Variants in CHAF1B observed in about 807,000 individuals in gnomAD.
CHAF1B encodes the protein chromatin assembly factor 1 subunit B.
Under a neutral mutation model 60.7 loss-of-function variants are expected in CHAF1B, and 10 were observed. The ratio of observed to expected loss-of-function variants is 0.16; its 90% CI spans 0.10 to 0.28. The LOEUF (loss-of-function observed/expected upper bound fraction) is 0.28, where lower values mean the gene tolerates loss of function less well. Among genes scored for constraint, CHAF1B ranks in the 10% least tolerant of loss-of-function variants. CHAF1B has a pLI of 1.00. For missense variants in CHAF1B, 558 were observed against 708.4 expected, an observed-to-expected ratio of 0.79 and a Z score of 2.41; for synonymous variants, 261 against 266.1, an observed-to-expected ratio of 0.98 and a Z score of 0.19.
At chr21:36,415,229 A>G in intron 12 of CHAF1B, 66 bp from the exon 13 acceptor site, 1 of 972,088 alleles carries the variant, frequency 1.0e-6, no homozygotes, top group South Asian at 1.4e-5. Context: ...GGTTGGTATC[A>G]TACATAAACA....
intron 4 of CHAF1B, among the ~76,000 whole-genome samples, chr21:36,393,277 A>G (rs2086107880): frequency 6.6e-6 from 1 of 152,208 alleles, no homozygotes; most frequent in South Asian, 2.1e-4. Context: ...CTGTGGAGAC[A>G]GGGTCTCACT....
chr21:36,388,141 C>CT (rs2086050501), intron 3 of CHAF1B, among the ~76,000 whole-genome samples: 1 of 151,810 alleles, frequency 6.6e-6, no homozygotes, highest in South Asian at 2.1e-4. Context: ...CTTTTTAGTT[C>CT]AGGTGTGGCT....
intron 1 of CHAF1B, 99 bp from the exon 2 acceptor site, chr21:36,385,961 C>T: frequency 3.1e-6 from 2 of 653,902 alleles, no homozygotes; most frequent in Admixed American, 3.0e-5. Context: ...CGTTAACATC[C>T]TTTCCCAATG....
chr21:36,411,104 C>A (rs982226820), intron 10 of CHAF1B, among the ~76,000 whole-genome samples: 1 of 133,610 alleles, frequency 7.5e-6, no homozygotes, highest in Non-Finnish European at 1.5e-5. Context: ...TATTTTTATT[C>A]TTATAAATAT....
intron 10 of CHAF1B, among the ~76,000 whole-genome samples, chr21:36,410,712 G>A (rs1017149452): frequency 6.6e-6 from 1 of 151,304 alleles, no homozygotes; most frequent in Non-Finnish European, 1.5e-5. Flanking sequence ...CCAGGCTGGG[G>A]TGCAGTGGTA....
At chr21:36,390,100 G>A (rs1227471479) in intron 3 of CHAF1B, among the ~76,000 whole-genome samples, 2 of 152,106 alleles carry the variant, frequency 1.3e-5, no homozygotes, top group Non-Finnish European at 2.9e-5. Flanking sequence ...TTGGGAGGCT[G>A]AGGTGGGCAG....
chr21:36,386,872 C>G (rs1193747352), intron 2 of CHAF1B, among the ~76,000 whole-genome samples: 1 of 152,112 alleles, frequency 6.6e-6, no homozygotes, highest in African/African-American at 2.4e-5. Context: ...CATCACCACA[C>G]CTGGCTAATT....
chr21:36,397,015 A>T (rs533967313), intron 5 of CHAF1B, among the ~76,000 whole-genome samples: 1 of 152,092 alleles, frequency 6.6e-6, no homozygotes, highest in African/African-American at 2.4e-5. Flanking sequence ...TCCCTGCTCC[A>T]TATTCACTTC....
In CHAF1B at chr21:36,399,668, C is replaced by T. The variant is rs899426108; in HGVS notation, c.663+63C>T. On this transcript the variant is annotated intron_variant, in intron 7 of 13. Transcript: ENST00000314103. ...TAACTGAGACTTAGGAAGTCATGAG[C>T]TCCTCCCATACCCTTGCAGCCAAAT... The T allele has an allele frequency of 3.7e-5, 49 of 1,319,504 alleles. No individual in the cohort carries two copies. In the African/African-American group the frequency reaches 4.6e-4, roughly 12 times the overall value. 81.7% of individuals were successfully genotyped at this position (1,319,504 alleles called of 1,614,324 possible). A position where few individuals can be genotyped will look rare whatever the true frequency, so the allele number is the denominator to read the frequency against.
intron 1 of CHAF1B, 91 bp from the exon 2 acceptor site, chr21:36,385,969 A>T (rs1430062001): frequency 1.4e-6 from 1 of 695,390 alleles, no homozygotes; most frequent in Non-Finnish European, 2.4e-6. Context: ...TCCTTTCCCA[A>T]TGCAGTGTGC....
In CHAF1B at chr21:36,418,247, C is replaced by G. The variant is rs1323773552; in HGVS notation, c.*1881C>G. ...CAGGCTGGTCTCCAACGCCTGACCT[C>G]GTGATCTGCCCACCTCAGCCTCCCA... On this transcript the variant is annotated 3_prime_UTR_variant, in exon 14 of 14. Coordinates refer to ENST00000314103, the MANE Select transcript of CHAF1B (RefSeq NM_005441.3). The G allele has an allele frequency of 6.6e-6, 1 of 151,356 alleles. No homozygotes were observed. The highest frequency in any genetic ancestry group is 1.5e-5 in the Non-Finnish European group (1 of 67,798). 9.4% of individuals were successfully genotyped at this position (151,356 alleles called of 1,614,324 possible).
In CHAF1B at chr21:36,385,446, C is replaced by T. The variant is rs868763963; in HGVS notation, c.-83C>T. 6.6e-6 allele frequency: 1 copy of T among 151,992 alleles called. No individual in the cohort carries two copies. Among genetic ancestry groups the T allele is most frequent in the South Asian group, 2.1e-4 (1 of 4,834 alleles). The allele number at this position is 151,992 out of a possible 1,614,324, so 9.4% of individuals were successfully genotyped here. On this transcript the variant is annotated 5_prime_UTR_variant, in exon 1 of 14. Coordinates refer to ENST00000314103, the MANE Select transcript of CHAF1B (RefSeq NM_005441.3). ...ACGGTGCCTCTGACTGTCCGGGTCCCTCCAGGTACGGCTTCCCTGGCCCGG... is the reference window on the plus strand; with the variant it reads ...ACGGTGCCTCTGACTGTCCGGGTCCTTCCAGGTACGGCTTCCCTGGCCCGG...
At chr21:36,406,325 G>T (rs1002671669) in intron 8 of CHAF1B, among the ~76,000 whole-genome samples, 1 of 152,200 alleles carries the variant, frequency 6.6e-6, no homozygotes, top group East Asian at 1.9e-4. Context: ...CACCCTTGTC[G>T]CCCAGGCTTG....
chr21:36,418,831 A>C lies in CHAF1B; in HGVS notation c.*2465A>C, dbSNP rs558936139. ...GCCACTGTACTCCAGCCTGGGCGAC[A>C]GAGCGAGACTCTGTCTCAAAAAAAA... On this transcript the variant is annotated 3_prime_UTR_variant, in exon 14 of 14. Coordinates refer to ENST00000314103, the MANE Select transcript of CHAF1B (RefSeq NM_005441.3). 1.2e-3 allele frequency: 180 copies of C among 149,856 alleles called. 1 individual carries two copies. The highest frequency in any genetic ancestry group is 4.4e-3 in the African/African-American group (174 of 39,758). The allele number at this position is 149,856 out of a possible 1,614,324, so 9.3% of individuals were successfully genotyped here.
At chr21:36,388,659 G>T (rs1472610033) in intron 3 of CHAF1B, among the ~76,000 whole-genome samples, 1 of 152,002 alleles carries the variant, frequency 6.6e-6, no homozygotes, top group Non-Finnish European at 1.5e-5. Flanking sequence ...TAGAGATGGG[G>T]TTTCGCCTTG....
Position 36,414,470 on chromosome 21 carries a change from C to T in CHAF1B, c.1494-825C>T, listed in dbSNP as rs116174460. Among the ~76,000 whole-genome samples, 1,011 of 152,296 alleles carry T rather than the reference C, an allele frequency of 6.6e-3. 16 individuals are homozygous for T. The highest frequency in any genetic ancestry group is 0.022 in the African/African-American group (931 of 41,552). ...AATTTTTCTGTTTGTTTTTATGTGA[C>T]GGAAGGTATTCCTTGAACTATTTTT... On this transcript the variant is annotated intron_variant, in intron 12 of 13. Transcript: ENST00000314103.
chr21:36,409,585 A>G (rs1178816984), intron 10 of CHAF1B, 120 bp downstream of exon 10: 3 of 514,326 alleles, frequency 5.8e-6, no homozygotes, highest in East Asian at 6.2e-5. Context: ...GGTTCAGTTC[A>G]GTTATTTTAA....
chr21:36,413,244 A>G lies in CHAF1B; in HGVS notation c.1422A>G (p.Gln474=), dbSNP rs1770802855. The change falls in exon 12 of 14, where the codon CAA becomes CAG. Residue 474 remains glutamine, a synonymous_variant. Coordinates refer to ENST00000314103, the MANE Select transcript of CHAF1B (RefSeq NM_005441.3). ...AGAAGACCCTGCAGCCCAGTAGTCA[A>G]AACACAAAAGCCCACCCATCCCGGA... ...SEEKTLQPSS[Q]NTKAHPSRRV... 1.2e-6 allele frequency: 2 copies of G among 1,611,794 alleles called. No individual in the cohort carries two copies. The highest frequency in any genetic ancestry group is 1.7e-6 in the Non-Finnish European group (2 of 1,178,108).
chr21:36,390,802 G>A (rs1246312602), intron 3 of CHAF1B, among the ~76,000 whole-genome samples: 1 of 152,080 alleles, frequency 6.6e-6, no homozygotes, highest in East Asian at 1.9e-4. Context: ...CCAGAGGTGT[G>A]TGCCACCACA....
Sources: gnomAD v4.1 joint callset for allele counts (sites outside exome capture counted in the v4.1 genomes callset) on GRCh38, gnomAD v4.1.1 for gene constraint, MANE v1.5 for transcripts, NCBI Gene and HGNC (gene_info 2026-07-23, HGNC 2026-07-21) for gene names.